The following AGBL1 variants were observed in gnomAD, a reference collection of about 807,000 sequenced individuals.
AGBL1 encodes the protein cytosolic carboxypeptidase 4.
In AGBL1, 130 loss-of-function variants were observed where a neutral mutation model predicts 118.9. That is an observed-to-expected ratio of 1.09 (90% CI 0.95 to 1.26). The LOEUF is 1.26. Among genes scored for constraint, AGBL1 ranks in the 50% most tolerant of loss-of-function variants. AGBL1 has a pLI of 0.00. For missense variants in AGBL1, 1,584 were observed against 1,298.1 expected, an observed-to-expected ratio of 1.22 and a Z score of -3.38; for synonymous variants, 555 against 478.9, an observed-to-expected ratio of 1.16 and a Z score of -2.08.
chr15:86,337,341 GA>G (rs139739654), intron 17 of AGBL1, among the ~76,000 whole-genome samples: 4 of 150,210 alleles, frequency 2.7e-5, no homozygotes, highest in Middle Eastern at 3.4e-3. Context: ...TTCTAGAAAA[GA>G]AAAAAAAAGT....
intron 16 of AGBL1, among the ~76,000 whole-genome samples, chr15:86,290,478 G>A (rs1336269300): frequency 2.0e-5 from 3 of 150,632 alleles, no homozygotes; most frequent in Non-Finnish European, 3.0e-5. Flanking sequence ...AGCCTCCCAC[G>A]TAGCTGGGAC....
rs77286034 is a variant in AGBL1, at chr15:86,154,999, C to T, written c.394+438C>T. Among the ~76,000 whole-genome samples, 1,239 of 152,188 alleles carry T rather than the reference C, an allele frequency of 8.1e-3. 18 individuals carry two copies. Among genetic ancestry groups the T allele is most frequent in the African/African-American group, 0.027 (1,136 of 41,514 alleles). On this transcript the variant is annotated intron_variant, in intron 4 of 22. Transcript: ENST00000614907. ...AAATTACTCATTGATTACAACATCC[C>T]TTACCATTTAAAAAAACCCATGATC... is the stretch of plus-strand genomic sequence containing the variant.
chr15:86,391,995 G>A (rs142761940), intron 17 of AGBL1, among the ~76,000 whole-genome samples: 1 of 151,762 alleles, frequency 6.6e-6, no homozygotes, highest in East Asian at 1.9e-4. Flanking sequence ...TTCTCCTGTG[G>A]TGCCTTAGTA....
At chr15:86,414,868 T>C (rs1461566421) in intron 18 of AGBL1, among the ~76,000 whole-genome samples, 2 of 152,130 alleles carry the variant, frequency 1.3e-5, no homozygotes, top group African/African-American at 2.4e-5. Flanking sequence ...AATGGAGCTG[T>C]ATTGCTTGGG....
intron 15 of AGBL1, among the ~76,000 whole-genome samples, chr15:86,273,139 A>C (rs1478230085): frequency 1.0e-5 from 1 of 99,766 alleles, no homozygotes; most frequent in Admixed American, 1.0e-4. Flanking sequence ...TCCTAATGGG[A>C]TATATAAATT....
chr15:86,191,540 C>CAATAATTTAT (rs1373825046), intron 5 of AGBL1, among the ~76,000 whole-genome samples: 1 of 151,804 alleles, frequency 6.6e-6, no homozygotes, highest in African/African-American at 2.4e-5. Flanking sequence ...ACTAGAATGA[C>CAATAATTTAT]AATAATTTAT....
Position 86,142,055 on chromosome 15 carries a change from C to G in AGBL1, c.103C>G (p.Leu35Val). Residue 35 changes from leucine to valine, a missense_variant, in exon 2 of 23, where the codon CTG becomes GTG. Leu to Val is a conservative substitution (Grantham distance 32). Transcript: ENST00000614907. The part of the protein sequence containing the change: ...ILTILKVLGD[L>V]LSVGTDRRIH... ...GACCATCCTCAAGGTCCTCGGAGAT[C>G]TGCTTTCTGTTGGTGAGTAGGCCAT... The G allele has an allele frequency of 1.3e-6, 2 of 1,550,248 alleles. No homozygotes were observed. Among genetic ancestry groups the G allele is most frequent in the Middle Eastern group, 1.7e-4 (1 of 5,988 alleles).
chr15:86,853,949 T>C (rs927809405), intron 22 of AGBL1, among the ~76,000 whole-genome samples: 1 of 152,162 alleles, frequency 6.6e-6, no homozygotes, highest in African/African-American at 2.4e-5. Context: ...AAAGAAAATA[T>C]TGCATAGGGA....
At chr15:86,255,541 G>T (rs2078881231) in intron 7 of AGBL1, among the ~76,000 whole-genome samples, 1 of 152,128 alleles carries the variant, frequency 6.6e-6, no homozygotes, top group Non-Finnish European at 1.5e-5. Flanking sequence ...CAGTACTTTG[G>T]GAGACTGAGG....
intron 22 of AGBL1, among the ~76,000 whole-genome samples, chr15:86,804,846 T>G (rs2078695630): frequency 6.6e-6 from 1 of 152,106 alleles, no homozygotes; most frequent in Non-Finnish European, 1.5e-5. Flanking sequence ...GGAAGAATTA[T>G]TTTCCAAACT....
At chr15:86,992,057 G>A (rs1345243060) in intron 24 of AGBL1, among the ~76,000 whole-genome samples, 1 of 152,114 alleles carries the variant, frequency 6.6e-6, no homozygotes, top group Non-Finnish European at 1.5e-5. Flanking sequence ...CAGGAAGCAT[G>A]GTGCTGGCAT....
intron 22 of AGBL1, among the ~76,000 whole-genome samples, chr15:86,724,556 G>T (rs2086790655): frequency 6.6e-6 from 1 of 152,166 alleles, no homozygotes; most frequent in African/African-American, 2.4e-5. Context: ...AAGGGAGAAA[G>T]AATAGTGACC....
intron 21 of AGBL1, among the ~76,000 whole-genome samples, chr15:86,564,933 A>T (rs889520888): frequency 1.4e-4 from 22 of 151,886 alleles, no homozygotes; most frequent in Non-Finnish European, 2.8e-4. Flanking sequence ...TGCCTACTGG[A>T]GCTTGTGCAT....
At chr15:86,936,132 C>G (rs1484675892) in intron 23 of AGBL1, among the ~76,000 whole-genome samples, 4 of 152,138 alleles carry the variant, frequency 2.6e-5, no homozygotes, top group Non-Finnish European at 5.9e-5. Context: ...TGCAGTGCCA[C>G]TAAGTGCACA....
chr15:86,724,002 G>A (rs904013029), intron 22 of AGBL1, among the ~76,000 whole-genome samples: 99 of 152,192 alleles, frequency 6.5e-4, no homozygotes, highest in African/African-American at 2.2e-3. Context: ...TTGGGAGGCC[G>A]AGGTGGGCGG....
At chr15:86,289,723 G>C (rs1029475086) in intron 16 of AGBL1, among the ~76,000 whole-genome samples, 2 of 151,950 alleles carry the variant, frequency 1.3e-5, no homozygotes, top group Non-Finnish European at 2.9e-5. Flanking sequence ...CTCCTCCTTT[G>C]GCTCTGACTT....
intron 18 of AGBL1, among the ~76,000 whole-genome samples, chr15:86,406,512 A>G (rs1188075631): frequency 6.6e-6 from 1 of 152,206 alleles, no homozygotes; most frequent in African/African-American, 2.4e-5. Flanking sequence ...AAAGGCACCT[A>G]AATTCAGGAC....
intron 23 of AGBL1, among the ~76,000 whole-genome samples, chr15:86,922,615 A>G (rs2080492295): frequency 6.6e-6 from 1 of 152,232 alleles, no homozygotes; most frequent in Non-Finnish European, 1.5e-5. Flanking sequence ...AAAACTAAAC[A>G]GAAGGTAGAA....
chr15:86,349,296 G>C (rs1353575), intron 17 of AGBL1, among the ~76,000 whole-genome samples: 83,297 of 152,008 alleles, frequency 0.55, 23,364 homozygotes, highest in Middle Eastern at 0.6. Context: ...GCTGGGAATG[G>C]TGCTAGACAG....
Sources: allele counts gnomAD v4.1 joint callset (sites outside exome capture counted in the v4.1 genomes callset), GRCh38; gene constraint gnomAD v4.1.1; transcripts MANE v1.5; gene names NCBI Gene and HGNC (gene_info 2026-07-23, HGNC 2026-07-21).